HEXA: variants seen among roughly 807,000 people sequenced by gnomAD.
HEXA encodes the protein beta-hexosaminidase subunit alpha.
HEXA carries 54 observed loss-of-function variants against 73.3 expected under a neutral mutation model. The ratio of observed to expected loss-of-function variants is 0.74; its 90% CI spans 0.59 to 0.92. The LOEUF (loss-of-function observed/expected upper bound fraction) is 0.92. Ranked by LOEUF, HEXA falls within the 40% of genes least tolerant of loss-of-function variation. HEXA has a pLI of 0.00. For synonymous variants in HEXA, 230 were observed against 246.9 expected (o/e 0.93, Z 0.64); for missense variants, 649 against 653.0 (o/e 0.99, Z 0.07).
At chr15:72,365,878 C>A (rs554370486) in intron 1 of HEXA, among the ~76,000 whole-genome samples, 1 of 152,194 alleles carries the variant, frequency 6.6e-6, no homozygotes, top group Admixed American at 6.5e-5. Flanking sequence ...CATGTCATAT[C>A]TCTACCATAT....
chr15:72,351,954 C>CTTAT (rs996047636), intron 5 of HEXA, among the ~76,000 whole-genome samples: 41 of 135,596 alleles, frequency 3.0e-4, no homozygotes, highest in African/African-American at 7.3e-4. Flanking sequence ...CCTTCCTTCA[C>CTTAT]TTATTTATTT....
rs1287621076 is a variant in HEXA, at chr15:72,341,679, T to C, written c.*2398A>G. On this transcript the variant is annotated 3_prime_UTR_variant, in exon 14 of 14. Transcript: ENST00000268097. ...TACAGCCTAGGTGAAGGGAGATGAG[T>C]TGGGGCAACAGCGATTCTGTTCATT... The C allele has an allele frequency of 6.6e-6, 1 of 151,976 alleles. No homozygotes were observed. Among genetic ancestry groups the C allele is most frequent in the Non-Finnish European group, 1.5e-5 (1 of 67,984 alleles). The allele number at this position is 151,976 out of a possible 1,614,324, so 9.4% of individuals were successfully genotyped here.
At position 72,342,153 on chromosome 15, in the gene HEXA, G is replaced by A. The variant is rs556643110; in HGVS notation, c.*1924C>T. The stretch of plus-strand genomic sequence containing the variant: ...AGAGGTAAGGGGGCTCCTGTGGTGG[G>A]TGCCAGTGCTGGGACCTTAACTTGT... On this transcript the variant is annotated 3_prime_UTR_variant, in exon 14 of 14. Coordinates refer to ENST00000268097, the MANE Select transcript of HEXA (RefSeq NM_000520.6). 6.6e-6 allele frequency: 1 copy of A among 152,448 alleles called. No homozygotes were observed. Among genetic ancestry groups the A allele is most frequent in the African/African-American group, 2.4e-5 (1 of 41,556 alleles). 9.4% of individuals were successfully genotyped at this position (152,448 alleles called of 1,614,324 possible).
At chr15:72,365,025 TA>T (rs2088898093) in intron 1 of HEXA, among the ~76,000 whole-genome samples, 1 of 152,066 alleles carries the variant, frequency 6.6e-6, no homozygotes, top group Non-Finnish European at 1.5e-5. Context: ...AGGGTCTCAC[TA>T]TGCTGCCCAG....
Position 72,346,485 on chromosome 15 carries a change from C to A in HEXA, c.1330+42G>T, listed in dbSNP as rs374588958. Reference sequence around the variant, plus strand: ...TCCTGCCTCCCATCCTGTGCCCCAACCCAGCCTCCTTTGGTTAGCAAGGAG... The same window carrying A: ...TCCTGCCTCCCATCCTGTGCCCCAAACCAGCCTCCTTTGGTTAGCAAGGAG... On this transcript the variant is annotated intron_variant, in intron 11 of 13. Coordinates refer to ENST00000268097, the MANE Select transcript of HEXA (RefSeq NM_000520.6). The A allele has an allele frequency of 5.0e-6, 8 of 1,601,634 alleles. No homozygotes were observed. The African/African-American group carries it at 9.4e-5, about 19-fold the overall frequency.
At chr15:72,373,234 G>A (rs76244101) in intron 1 of HEXA, among the ~76,000 whole-genome samples, 2,334 of 152,334 alleles carry the variant, frequency 0.015, 65 homozygotes, top group African/African-American at 0.053. Flanking sequence ...GATTTAACCT[G>A]CATATGTTGC....
chr15:72,371,243 T>C (rs969991129), intron 1 of HEXA, among the ~76,000 whole-genome samples: 1 of 152,082 alleles, frequency 6.6e-6, no homozygotes, highest in Non-Finnish European at 1.5e-5. Flanking sequence ...GTGATTATCC[T>C]TTGCCTGGAA....
Position 72,349,265 on chromosome 15 carries a change from C to A in HEXA, c.806-6G>T. The A allele has an allele frequency of 6.2e-7, 1 of 1,613,024 alleles. No homozygotes were observed. The highest frequency in any genetic ancestry group is 8.5e-7 in the Non-Finnish European group (1 of 1,179,270). On this transcript the variant is annotated splice_region_variant and splice_polypyrimidine_tract_variant and intron_variant, in intron 7 of 13. Coordinates refer to ENST00000268097, the MANE Select transcript of HEXA (RefSeq NM_000520.6). ...AGTCAGTAATCCAGGGATACCTAAG[C>A]CAAGAGAAAACCCCATATGAGTGTC...
Position 72,342,675 on chromosome 15 carries a change from C to T in HEXA, c.*1402G>A, listed in dbSNP as rs1239764864. On this transcript the variant is annotated 3_prime_UTR_variant, in exon 14 of 14. Coordinates refer to ENST00000268097, the MANE Select transcript of HEXA (RefSeq NM_000520.6). ...TCTCCAGAGCCACCGCCCACCTCCG[C>T]GCAGCCATCCATTCCCTGCGAAGAT... The T allele has an allele frequency of 1.3e-5, 2 of 152,268 alleles. No homozygotes were observed. Among genetic ancestry groups the T allele is most frequent in the African/African-American group, 2.4e-5 (1 of 41,452 alleles). The allele number at this position is 152,268 out of a possible 1,614,324, so 9.4% of individuals were successfully genotyped here.
chr15:72,361,128 C>T (rs2088847920), intron 1 of HEXA, among the ~76,000 whole-genome samples: 1 of 152,118 alleles, frequency 6.6e-6, no homozygotes, highest in African/African-American at 2.4e-5. Flanking sequence ...TTACTATGTG[C>T]CAGGGTGTTG....
chr15:72,368,025 T>C (rs1346453114), intron 1 of HEXA, among the ~76,000 whole-genome samples: 2 of 152,210 alleles, frequency 1.3e-5, no homozygotes, highest in African/African-American at 2.4e-5. Context: ...CTGTAAATTC[T>C]TTAAGGACGG....
At chr15:72,366,711 C>T (rs1436186281) in intron 1 of HEXA, among the ~76,000 whole-genome samples, 1 of 152,090 alleles carries the variant, frequency 6.6e-6, no homozygotes, top group African/African-American at 2.4e-5. Flanking sequence ...GAAGAACTAA[C>T]CCATGTTCTG....
intron 7 of HEXA, 41 bp downstream of exon 7, chr15:72,350,477 A>G: frequency 6.2e-7 from 1 of 1,608,456 alleles, no homozygotes; most frequent in Non-Finnish European, 8.5e-7. Context: ...CACTCTGAGC[A>G]TAACAAGCAG....
Position 72,353,126 on chromosome 15 carries a change from C to A in HEXA, c.512G>T (p.Gly171Val), listed in dbSNP as rs2088723709. 1 of 1,613,652 alleles carries A rather than the reference C, an allele frequency of 6.2e-7. No individual in the cohort carries two copies. The highest frequency in any genetic ancestry group is 1.1e-5 in the South Asian group (1 of 91,068). The change falls in exon 5 of 14, where the codon GGC becomes GTC. Residue 171 changes from glycine to valine, a missense_variant. Physicochemically the swap from Gly to Val is moderately radical, Grantham distance 109. Coordinates refer to ENST00000268097, the MANE Select transcript of HEXA (RefSeq NM_000520.6). ...ATGGCGAGATGTATCCAACAGCAAG[C>A]CCCGGTGAGGAAAGCGGGGAAAGTC... ...IEDFPRFPHR[G>V]LLLDTSRHYL...
intron 2 of HEXA, among the ~76,000 whole-genome samples, chr15:72,356,159 C>T (rs1222335297): frequency 2.6e-5 from 4 of 152,200 alleles, no homozygotes; most frequent in Non-Finnish European, 5.9e-5. Context: ...AGTCACTGGA[C>T]TAATGACTTA....
chr15:72,375,781 G>T lies in HEXA; in HGVS notation c.192C>A (p.Ala64=). The change falls in exon 1 of 14, where the codon GCC becomes GCA. Residue 64 remains alanine, a synonymous_variant. Coordinates refer to ENST00000268097, the MANE Select transcript of HEXA (RefSeq NM_000520.6). ...AQPGCSVLDE[A]FQRYRDLLFG... is the part of the protein sequence containing the mutation. ...AAAGCAGGTCACGATAGCGCTGGAA[G>T]GCCTCGTCGAGGACTGAGCAGCCGG... 6.2e-7 allele frequency: 1 copy of T among 1,614,268 alleles called. No homozygotes were observed. Among genetic ancestry groups the T allele is most frequent in the Non-Finnish European group, 8.5e-7 (1 of 1,180,048 alleles).
At chr15:72,351,983 C>G (rs1433417328) in intron 5 of HEXA, among the ~76,000 whole-genome samples, 2 of 151,560 alleles carry the variant, frequency 1.3e-5, no homozygotes, top group Non-Finnish European at 1.5e-5. Context: ...ATTTTTGAGA[C>G]AGGGTCTCTG....
At chr15:72,345,270 G>A (rs2088594246) in intron 13 of HEXA, 176 bp downstream of exon 13, 1 of 1,249,190 alleles carries the variant, frequency 8.0e-7, no homozygotes, top group East Asian at 2.6e-5. Flanking sequence ...ATTTTTTGTT[G>A]TATTTTTTTT....
chr15:72,350,769 G>C, intron 6 of HEXA, 119 bp from the exon 7 acceptor site: 1 of 1,094,754 alleles, frequency 9.1e-7, no homozygotes, highest in Non-Finnish European at 1.4e-6. Context: ...GCCCTTTGGT[G>C]TCAGGGACTA....
Sources: gnomAD v4.1 joint callset for allele counts (sites outside exome capture counted in the v4.1 genomes callset) on GRCh38, gnomAD v4.1.1 for gene constraint, MANE v1.5 for transcripts, NCBI Gene and HGNC (gene_info 2026-07-23, HGNC 2026-07-21) for gene names.